PAIP1: variants seen among roughly 807,000 people sequenced by gnomAD.
PAIP1 encodes the protein poly(A) binding protein interacting protein 1.
PAIP1 carries 16 observed loss-of-function variants against 61.3 expected under a neutral mutation model. The observed-to-expected ratio is 0.26, with a 90% CI of 0.18 to 0.40. The LOEUF is 0.40. Ranked by LOEUF, PAIP1 falls within the 10% of genes least tolerant of loss-of-function variation. The pLI is 1.00. For missense variants in PAIP1, 416 were observed against 600.9 expected, an observed-to-expected ratio of 0.69 and a Z score of 3.22; for synonymous variants, 187 against 226.2, an observed-to-expected ratio of 0.83 and a Z score of 1.56.
At chr5:43,531,517 C>T (rs374218324) in intron 9 of PAIP1, among the ~76,000 whole-genome samples, 1 of 148,302 alleles carries the variant, frequency 6.7e-6, no homozygotes, top group African/African-American at 2.5e-5. Context: ...ATTAGCCAGG[C>T]GTGGTGGCAC....
intron 7 of PAIP1, 68 bp from the exon 8 acceptor site, chr5:43,535,038 G>C: frequency 1.2e-6 from 1 of 831,712 alleles, no homozygotes; most frequent in Non-Finnish European, 2.0e-6. Context: ...AAATATCTCA[G>C]ATTCCCAAAA....
At chr5:43,536,424 T>C (rs1747158769) in intron 6 of PAIP1, among the ~76,000 whole-genome samples, 1 of 152,182 alleles carries the variant, frequency 6.6e-6, no homozygotes, top group Non-Finnish European at 1.5e-5. Context: ...CATATGCATA[T>C]GACAGAATAC....
At chr5:43,554,611 T>A (rs527393500) in intron 2 of PAIP1, among the ~76,000 whole-genome samples, 3 of 152,274 alleles carry the variant, frequency 2.0e-5, no homozygotes, top group Admixed American at 1.3e-4. Context: ...AGGTGTGTCA[T>A]TATCAGTTAT....
intron 3 of PAIP1, among the ~76,000 whole-genome samples, chr5:43,547,177 T>C (rs1747670926): frequency 6.6e-6 from 1 of 151,666 alleles, no homozygotes; most frequent in East Asian, 1.9e-4. Flanking sequence ...ATGAAATCCT[T>C]AAATTTTAAA....
intron 3 of PAIP1, 50 bp downstream of exon 3, chr5:43,547,678 G>A: frequency 8.4e-7 from 1 of 1,191,964 alleles, no homozygotes. Flanking sequence ...ACTATCCTTG[G>A]GCTTCAAGGA....
intron 2 of PAIP1, among the ~76,000 whole-genome samples, chr5:43,554,163 A>G (rs572590269): frequency 1.9e-4 from 29 of 152,326 alleles, no homozygotes; most frequent in East Asian, 1.2e-3. Context: ...GACAGCCCCA[A>G]AGTCACTTGA....
Position 43,556,804 on chromosome 5 carries a change from G to T in PAIP1, c.43C>A (p.Arg15=). ...FDRAPGAGRG[R]SRGLGRGGGG... ...CCTCCGCGGCCCAGGCCCCGGCTCC[G>T]GCCCCGACCAGCACCTGGGGCCCGA... The change falls in exon 1 of 11, where the codon CGG becomes AGG. Residue 15 remains arginine, a synonymous_variant. Transcript: ENST00000306846. The T allele has an allele frequency of 6.9e-7, 1 of 1,452,412 alleles. No homozygotes were observed. 90.0% of individuals were successfully genotyped at this position (1,452,412 alleles called of 1,614,324 possible). A position where few individuals can be genotyped will look rare whatever the true frequency, so the allele number is the denominator to read the frequency against.
chr5:43,532,972 C>T (rs1289297589), intron 9 of PAIP1, among the ~76,000 whole-genome samples: 3 of 152,094 alleles, frequency 2.0e-5, no homozygotes, highest in African/African-American at 7.2e-5. Context: ...GAGCAGGAAC[C>T]CTCATGTGCT....
intron 2 of PAIP1, among the ~76,000 whole-genome samples, chr5:43,553,244 A>G (rs1379060226): frequency 2.0e-5 from 3 of 152,200 alleles, no homozygotes; most frequent in Non-Finnish European, 4.4e-5. Context: ...GAAGACATGG[A>G]AAGTAGGAAA....
intron 1 of PAIP1, chr5:43,556,374 C>T: frequency 1.6e-6 from 2 of 1,234,594 alleles, no homozygotes; most frequent in African/African-American, 1.6e-5. Flanking sequence ...CGGCCCCTCC[C>T]CCCAGCCAGG....
At chr5:43,533,662 G>A in intron 9 of PAIP1, 76 bp downstream of exon 9, 1 of 867,776 alleles carries the variant, frequency 1.2e-6, no homozygotes. Context: ...TCTTGTGCTG[G>A]TGAGGATGTG....
intron 4 of PAIP1, among the ~76,000 whole-genome samples, 176 bp from the exon 5 acceptor site, chr5:43,539,211 C>T (rs1402485921): frequency 6.6e-6 from 1 of 152,102 alleles, no homozygotes; most frequent in East Asian, 1.9e-4. Context: ...TATACACCAT[C>T]TTTTCATACT....
At chr5:43,552,815 G>A (rs925116954) in intron 2 of PAIP1, among the ~76,000 whole-genome samples, 1 of 152,126 alleles carries the variant, frequency 6.6e-6, no homozygotes, top group Admixed American at 6.5e-5. Flanking sequence ...CCTGGCACAT[G>A]GGGATTTATA....
chr5:43,536,569 TAAG>T (rs923381390), intron 6 of PAIP1, among the ~76,000 whole-genome samples: 1 of 152,030 alleles, frequency 6.6e-6, no homozygotes, highest in Non-Finnish European at 1.5e-5. Context: ...TATACAGAGA[TAAG>T]AAGGGAAGAA....
intron 3 of PAIP1, among the ~76,000 whole-genome samples, chr5:43,543,648 C>T (rs1747510747): frequency 6.6e-6 from 1 of 150,582 alleles, no homozygotes; most frequent in African/African-American, 2.4e-5. Context: ...TTAAACACTC[C>T]AAGAATGATT....
chr5:43,534,990 T>G lies in PAIP1; in HGVS notation c.1080-20A>C, dbSNP rs1447120314. ...ACATCTCTGTAGACAAAGTTGAAAA[T>G]GAGTTAGTGTATCCACCATAAGGGC... On this transcript the variant is annotated intron_variant, in intron 7 of 10. Transcript: ENST00000306846. 1 of 1,308,990 alleles carries G rather than the reference T, an allele frequency of 7.6e-7. No individual in the cohort carries two copies. Among genetic ancestry groups the G allele is most frequent in the Non-Finnish European group, 1.1e-6 (1 of 902,216 alleles). 81.1% of individuals were successfully genotyped at this position (1,308,990 alleles called of 1,614,324 possible). A position where few individuals can be genotyped will look rare whatever the true frequency, so the allele number is the denominator to read the frequency against.
rs144276651 is a variant in PAIP1 at position 43,556,057 on chromosome 5, G to C, written c.266-58C>G. 6.6e-3 allele frequency: 10,210 copies of C among 1,547,312 alleles called. 51 individuals are homozygous for C. Among genetic ancestry groups the C allele is most frequent in the Non-Finnish European group, 8.1e-3 (9,326 of 1,144,846 alleles). ...CATTCTTTCCTTTGTACAGCAACTT[G>C]CTATATACTGAAAAACCATCTGAAA... On this transcript the variant is annotated intron_variant, in intron 1 of 10. Coordinates refer to ENST00000306846, the MANE Select transcript of PAIP1 (RefSeq NM_006451.5).
chr5:43,533,364 A>C (rs572148363), intron 9 of PAIP1, among the ~76,000 whole-genome samples: 1 of 152,364 alleles, frequency 6.6e-6, no homozygotes, highest in East Asian at 1.9e-4. Context: ...GTATTAACCC[A>C]TATTAATATA....
At position 43,549,424 on chromosome 5, in the gene PAIP1, G is replaced by A. The variant is rs1009680312; in HGVS notation, c.436-1511C>T. 3.4e-4 allele frequency among the ~76,000 whole-genome samples: 51 copies of A among 152,224 alleles called. 1 individual carries two copies. The highest frequency in any genetic ancestry group is 5.2e-4 in the Admixed American group (8 of 15,298). On this transcript the variant is annotated intron_variant, in intron 2 of 10. Coordinates refer to ENST00000306846, the MANE Select transcript of PAIP1 (RefSeq NM_006451.5). The stretch of plus-strand genomic sequence containing the variant: ...AATCAATGGGGCCAGTCTTTCCGGT[G>A]CTATTCTTGTCATAGTGAATACGTC...
Sources: allele counts gnomAD v4.1 joint callset (sites outside exome capture counted in the v4.1 genomes callset), GRCh38; gene constraint gnomAD v4.1.1; transcripts MANE v1.5; gene names NCBI Gene and HGNC (gene_info 2026-07-23, HGNC 2026-07-21).